Variants in C10orf88 observed in about 807,000 individuals in gnomAD.
C10orf88 encodes the protein ATPase PAAT.
C10orf88 carries 29 observed loss-of-function variants against 34.2 expected under a neutral mutation model. That is an observed-to-expected ratio of 0.85 (90% CI 0.63 to 1.16). The LOEUF (loss-of-function observed/expected upper bound fraction) is 1.16, where lower values mean the gene tolerates loss of function less well. Ranked by LOEUF, C10orf88 falls within the 50% of genes most tolerant of loss-of-function variation. The pLI, the probability that C10orf88 is intolerant of heterozygous loss-of-function variation, is 0.00. For missense variants in C10orf88, 507 were observed against 533.2 expected (o/e 0.95, Z 0.48); for synonymous variants, 194 against 197.4 (o/e 0.98, Z 0.15).
At chr10:122,938,381 G>A (rs903598815) in intron 4 of C10orf88, among the ~76,000 whole-genome samples, 1 of 151,976 alleles carries the variant, frequency 6.6e-6, no homozygotes, top group Non-Finnish European at 1.5e-5. Context: ...GAACATGAAC[G>A]CAGGTCACTT....
intron 4 of C10orf88, among the ~76,000 whole-genome samples, chr10:122,947,177 A>G (rs1848648304): frequency 6.6e-6 from 1 of 152,100 alleles, no homozygotes; most frequent in Non-Finnish European, 1.5e-5. Flanking sequence ...GAGGAAGAAA[A>G]GTATACATTT....
chr10:122,952,180 A>G (rs1589698592), intron 2 of C10orf88, among the ~76,000 whole-genome samples, 154 bp from the exon 3 acceptor site: 1 of 152,210 alleles, frequency 6.6e-6, no homozygotes, highest in East Asian at 1.9e-4. Context: ...ACTGAAGCAC[A>G]CTGCCTATGA....
In C10orf88 at chr10:122,931,148, A is replaced by G. The variant is rs571872634; in HGVS notation, c.*1279T>C. ...TTCATGGCTTCTTCTGGTCACTGTC[A>G]TGGCGATTGTCAACTGTCATGGAGC... On this transcript the variant is annotated 3_prime_UTR_variant, in exon 6 of 6. Transcript: ENST00000481909. 1 of 152,256 alleles carries G rather than the reference A, an allele frequency of 6.6e-6. No individual in the cohort carries two copies. The highest frequency in any genetic ancestry group is 1.9e-4 in the East Asian group (1 of 5,182). 9.4% of individuals were successfully genotyped at this position (152,256 alleles called of 1,614,324 possible). A position where few individuals can be genotyped will look rare whatever the true frequency, so the allele number is the denominator to read the frequency against.
intron 5 of C10orf88, among the ~76,000 whole-genome samples, chr10:122,935,718 T>C (rs192113321): frequency 3.0e-4 from 45 of 152,008 alleles, no homozygotes; most frequent in Admixed American, 5.2e-4. Context: ...TAGGAGAGAA[T>C]TGACGTTTTT....
At chr10:122,943,158 A>G (rs1848602710) in intron 4 of C10orf88, among the ~76,000 whole-genome samples, 1 of 148,004 alleles carries the variant, frequency 6.8e-6, no homozygotes, top group Non-Finnish European at 1.5e-5. Flanking sequence ...ACAGCATGGT[A>G]CTGGTACCAA....
rs903497114 is a variant in C10orf88 at position 122,930,989 on chromosome 10, G to C, written c.*1438C>G. On this transcript the variant is annotated 3_prime_UTR_variant, in exon 6 of 6. Coordinates refer to ENST00000481909, the MANE Select transcript of C10orf88 (RefSeq NM_024942.4). The stretch of plus-strand genomic sequence containing the variant: ...CACAAATCAACTTTTCAACTAATGA[G>C]GAGTGAGGGGGTTAAAATATAATTT... 2.0e-5 allele frequency: 3 copies of C among 151,988 alleles called. No individual in the cohort carries two copies. Among genetic ancestry groups the C allele is most frequent in the Non-Finnish European group, 4.4e-5 (3 of 68,030 alleles). The allele number at this position is 151,988 out of a possible 1,614,324, so 9.4% of individuals were successfully genotyped here.
At chr10:122,942,196 G>A (rs948503924) in intron 4 of C10orf88, among the ~76,000 whole-genome samples, 14 of 152,020 alleles carry the variant, frequency 9.2e-5, no homozygotes, top group African/African-American at 3.1e-4. Context: ...ACAAACAATT[G>A]CTTCCTTTTT....
chr10:122,950,690 A>G (rs1848682114), intron 3 of C10orf88, among the ~76,000 whole-genome samples: 1 of 152,194 alleles, frequency 6.6e-6, no homozygotes, highest in African/African-American at 2.4e-5. Flanking sequence ...CCACTAGAAT[A>G]CAAGCAACAT....
intron 4 of C10orf88, among the ~76,000 whole-genome samples, chr10:122,941,580 G>C (rs918478102): frequency 3.9e-5 from 6 of 152,052 alleles, no homozygotes; most frequent in African/African-American, 1.4e-4. Flanking sequence ...TGTGCAGAAA[G>C]TTACACAGCT....
At chr10:122,940,934 T>C (rs1224408843) in intron 4 of C10orf88, among the ~76,000 whole-genome samples, 1 of 152,094 alleles carries the variant, frequency 6.6e-6, no homozygotes, top group Non-Finnish European at 1.5e-5. Context: ...TATGTGTATA[T>C]GTATAACTAC....
At chr10:122,948,296 C>A (rs1424813118) in intron 4 of C10orf88, among the ~76,000 whole-genome samples, 1 of 152,086 alleles carries the variant, frequency 6.6e-6, no homozygotes, top group Non-Finnish European at 1.5e-5. Context: ...TTTAGTGAGC[C>A]TTTCCTTAGT....
intron 2 of C10orf88, among the ~76,000 whole-genome samples, chr10:122,952,308 G>A (rs922064863): frequency 6.6e-6 from 1 of 152,134 alleles, no homozygotes; most frequent in Non-Finnish European, 1.5e-5. Flanking sequence ...CCAACATGCA[G>A]GATATAAAAC....
intron 4 of C10orf88, among the ~76,000 whole-genome samples, chr10:122,940,745 T>C (rs989491785): frequency 6.6e-6 from 1 of 152,062 alleles, no homozygotes; most frequent in East Asian, 1.9e-4. Flanking sequence ...ACTGTTAACA[T>C]GCTATTAAAA....
intron 4 of C10orf88, among the ~76,000 whole-genome samples, chr10:122,943,583 A>C (rs1848606478): frequency 6.6e-6 from 1 of 152,204 alleles, no homozygotes; most frequent in African/African-American, 2.4e-5. Flanking sequence ...CAGAGTGAAC[A>C]GGCAACCTAC....
intron 3 of C10orf88, 102 bp downstream of exon 3, chr10:122,951,852 A>C (rs1848693083): frequency 1.4e-6 from 1 of 740,220 alleles, no homozygotes; most frequent in South Asian, 1.6e-5. Flanking sequence ...AAAAGCAAGC[A>C]AGCAAGTTGG....
At chr10:122,947,951 G>A (rs777437400) in intron 4 of C10orf88, among the ~76,000 whole-genome samples, 8 of 152,148 alleles carry the variant, frequency 5.3e-5, no homozygotes, top group Non-Finnish European at 8.8e-5. Flanking sequence ...CGAGGGGAAT[G>A]ACGTGCAGCT....
chr10:122,934,908 G>A (rs562233202), intron 5 of C10orf88, among the ~76,000 whole-genome samples: 30 of 152,194 alleles, frequency 2.0e-4, no homozygotes, highest in African/African-American at 7.2e-4. Context: ...TAGTCACTAA[G>A]TCAATGTTGA....
At chr10:122,953,148 G>C in intron 1 of C10orf88, 116 bp from the exon 2 acceptor site, 1 of 798,032 alleles carries the variant, frequency 1.3e-6, no homozygotes, top group Non-Finnish European at 2.0e-6. Context: ...CTCCATCTCG[G>C]CTCACTGCAC....
At chr10:122,933,092 G>A (rs2133326683) in intron 5 of C10orf88, among the ~76,000 whole-genome samples, 1 of 151,658 alleles carries the variant, frequency 6.6e-6, no homozygotes, top group Admixed American at 6.6e-5. Flanking sequence ...TTTTTAACCT[G>A]GTATAAAAAC....
Sources: allele counts gnomAD v4.1 joint callset (sites outside exome capture counted in the v4.1 genomes callset), GRCh38; gene constraint gnomAD v4.1.1; transcripts MANE v1.5; gene names NCBI Gene and HGNC (gene_info 2026-07-23, HGNC 2026-07-21).